The following DLGAP2 variants were observed in gnomAD, a reference collection of about 807,000 sequenced individuals.
DLGAP2 encodes disks large-associated protein 2.
DLGAP2 carries 26 observed loss-of-function variants against 100.3 expected under a neutral mutation model. The ratio of observed to expected loss-of-function variants is 0.26; its 90% CI spans 0.19 to 0.36. The LOEUF (loss-of-function observed/expected upper bound fraction) is 0.36. Among genes scored for constraint, DLGAP2 ranks in the 10% least tolerant of loss-of-function variants. The pLI is 1.00. For missense variants in DLGAP2, 1,858 were observed against 1,453.2 expected (o/e 1.28, Z -4.53); for synonymous variants, 886 against 630.1 (o/e 1.41, Z -6.08).
intron 2 of DLGAP2, among the ~76,000 whole-genome samples, chr8:939,931 C>T (rs1799155251): frequency 6.6e-6 from 1 of 151,820 alleles, no homozygotes; most frequent in East Asian, 1.9e-4. Context: ...TGGCTGAGGC[C>T]TTCCCAGGGT....
intron 1 of DLGAP2, among the ~76,000 whole-genome samples, chr8:756,130 G>A (rs1228304580): frequency 5.9e-5 from 9 of 152,176 alleles, no homozygotes; most frequent in Non-Finnish European, 2.9e-5. Context: ...CTGAGTTTGT[G>A]GCTGGAATAC....
At chr8:1,363,624 G>C (rs760534638) in intron 3 of DLGAP2, among the ~76,000 whole-genome samples, 8 of 152,218 alleles carry the variant, frequency 5.3e-5, no homozygotes, top group Non-Finnish European at 1.0e-4. Context: ...ATCTGGACCT[G>C]CAAATCTCCT....
At chr8:1,680,498 G>A (rs776785391) in intron 12 of DLGAP2, 9 of 152,324 alleles carry the variant, frequency 5.9e-5, no homozygotes, top group Middle Eastern at 3.4e-3. Context: ...GACTAAGCCT[G>A]TTCTTCCACA....
intron 3 of DLGAP2, among the ~76,000 whole-genome samples, chr8:1,332,330 A>G (rs910644505): frequency 2.0e-5 from 3 of 151,894 alleles, no homozygotes; most frequent in African/African-American, 4.8e-5. Flanking sequence ...ATGCGAGGGT[A>G]TATGCATGTA....
At chr8:1,103,304 C>T (rs1056530462) in intron 2 of DLGAP2, among the ~76,000 whole-genome samples, 12 of 152,338 alleles carry the variant, frequency 7.9e-5, no homozygotes, top group African/African-American at 2.9e-4. Context: ...CAGGGCTTCT[C>T]AGAGTCGTAT....
chr8:1,201,791 C>T, intron 2 of DLGAP2, among the ~76,000 whole-genome samples: 1 of 152,222 alleles, frequency 6.6e-6, no homozygotes, highest in East Asian at 1.9e-4. Flanking sequence ...CGCAGACACA[C>T]AGCGGTGCCT....
chr8:1,653,148 C>T (rs563177093), intron 8 of DLGAP2, among the ~76,000 whole-genome samples: 1 of 152,290 alleles, frequency 6.6e-6, no homozygotes, highest in African/African-American at 2.4e-5. Context: ...ACTGTGGCAT[C>T]GCGTTGGTTC....
intron 10 of DLGAP2, among the ~76,000 whole-genome samples, chr8:1,674,938 A>ATGTT (rs1255978119): frequency 6.6e-6 from 1 of 152,216 alleles, no homozygotes; most frequent in Non-Finnish European, 1.5e-5. Flanking sequence ...AACACTGATC[A>ATGTT]TGTTTATGTC....
intron 5 of DLGAP2, among the ~76,000 whole-genome samples, chr8:1,553,355 A>G (rs987806171): frequency 1.3e-5 from 2 of 152,100 alleles, no homozygotes; most frequent in Non-Finnish European, 2.9e-5. Context: ...TTTATTTGAC[A>G]TGAAGAGGTT....
chr8:836,020 G>A (rs949716080), intron 1 of DLGAP2, among the ~76,000 whole-genome samples: 6 of 152,226 alleles, frequency 3.9e-5, no homozygotes, highest in Non-Finnish European at 7.3e-5. Flanking sequence ...GTCCATGAGT[G>A]TGAATGGATC....
chr8:1,368,331 A>G (rs199498260), intron 3 of DLGAP2, among the ~76,000 whole-genome samples: 3 of 151,318 alleles, frequency 2.0e-5, no homozygotes, highest in East Asian at 1.9e-4. Flanking sequence ...GTGTGCATGC[A>G]TGTGTGTGTG....
At chr8:1,234,718 G>A (rs771592984) in intron 2 of DLGAP2, among the ~76,000 whole-genome samples, 3 of 152,170 alleles carry the variant, frequency 2.0e-5, no homozygotes, top group Admixed American at 6.5e-5. Flanking sequence ...CAGTGATTCT[G>A]TTGCACGTCA....
chr8:1,319,240 C>T (rs34329371), intron 3 of DLGAP2, among the ~76,000 whole-genome samples: 6 of 151,946 alleles, frequency 3.9e-5, no homozygotes, highest in African/African-American at 1.2e-4. Flanking sequence ...GCTAAGTTCT[C>T]AGCTAAGCTC....
chr8:869,497 C>T (rs988039280), intron 1 of DLGAP2, among the ~76,000 whole-genome samples: 1 of 152,178 alleles, frequency 6.6e-6, no homozygotes, highest in Non-Finnish European at 1.5e-5. Flanking sequence ...ATAGACGTCT[C>T]TTTATTTTAC....
chr8:1,568,420 C>G (rs1356879342), intron 6 of DLGAP2, among the ~76,000 whole-genome samples: 1 of 144,228 alleles, frequency 6.9e-6, no homozygotes, highest in African/African-American at 2.6e-5. Context: ...ATTGTCCACT[C>G]AGCAGACACA....
intron 3 of DLGAP2, among the ~76,000 whole-genome samples, chr8:1,354,169 A>G (rs1801796460): frequency 6.6e-6 from 1 of 152,208 alleles, no homozygotes; most frequent in Non-Finnish European, 1.5e-5. Context: ...TGAACCGTTA[A>G]AAACAACCTG....
rs1276288485 is a variant in DLGAP2 at position 1,097,514 on chromosome 8, C to T, written c.74-161337C>T. ...TCACCCTCTGTGGCATGGAGAGGTC[C>T]CCTCCAGCGTGAGACCCACCTCCCT... On this transcript the variant is annotated intron_variant, in intron 2 of 14. Coordinates refer to ENST00000637795, the MANE Select transcript of DLGAP2 (RefSeq NM_001346810.2). Among the ~76,000 whole-genome samples the T allele has an allele frequency of 2.7e-4, 35 of 127,488 alleles. 1 individual carries two copies. Among genetic ancestry groups the T allele is most frequent in the South Asian group, 5.1e-4 (2 of 3,910 alleles). The allele number at this position is 127,488 out of a possible 152,430, so 83.6% of individuals were successfully genotyped here. A position where few individuals can be genotyped will look rare whatever the true frequency, so the allele number is the denominator to read the frequency against.
At chr8:874,453 T>A (rs60342842) in intron 1 of DLGAP2, among the ~76,000 whole-genome samples, 1 of 151,986 alleles carries the variant, frequency 6.6e-6, no homozygotes, top group Non-Finnish European at 1.5e-5. Context: ...GGATTTGTTC[T>A]TTGTCCCATT....
chr8:1,018,146 C>T (rs1801523805), intron 2 of DLGAP2, among the ~76,000 whole-genome samples: 1 of 151,896 alleles, frequency 6.6e-6, no homozygotes, highest in Non-Finnish European at 1.5e-5. Flanking sequence ...CATGCTTGGC[C>T]CTGCTCAGTC....
Sources: allele counts gnomAD v4.1 joint callset (sites outside exome capture counted in the v4.1 genomes callset), GRCh38; gene constraint gnomAD v4.1.1; transcripts MANE v1.5; gene names NCBI Gene and HGNC (gene_info 2026-07-23, HGNC 2026-07-21).